Variants in NCAPD3 observed in about 807,000 individuals in gnomAD.
NCAPD3 encodes the protein condensin-2 complex subunit D3.
Under a neutral mutation model 182.9 loss-of-function variants are expected in NCAPD3, and 105 were observed. That is an observed-to-expected ratio of 0.57 (90% CI 0.49 to 0.68). The LOEUF (loss-of-function observed/expected upper bound fraction) is 0.68. NCAPD3 is among the 30% of genes least tolerant of loss of function. The pLI is 0.00. For missense variants in NCAPD3, 1,944 were observed against 1,837.0 expected, an observed-to-expected ratio of 1.06 and a Z score of -1.07; for synonymous variants, 815 against 679.9, an observed-to-expected ratio of 1.20 and a Z score of -3.09.
At chr11:134,185,627 G>T in intron 16 of NCAPD3, 101 bp from the exon 17 acceptor site, 1 of 911,800 alleles carries the variant, frequency 1.1e-6, no homozygotes, top group Admixed American at 2.9e-5. Context: ...TGCTGCTCCA[G>T]GACTCAAGTG....
intron 28 of NCAPD3, among the ~76,000 whole-genome samples, chr11:134,161,396 G>C (rs1186191018): frequency 1.3e-5 from 2 of 152,154 alleles, no homozygotes; most frequent in Non-Finnish European, 2.9e-5. Flanking sequence ...TTGTGAATCT[G>C]AGTCAGTGCA....
intron 8 of NCAPD3, among the ~76,000 whole-genome samples, chr11:134,206,065 G>A (rs1242524575): frequency 6.6e-6 from 1 of 152,158 alleles, no homozygotes; most frequent in African/African-American, 2.4e-5. Flanking sequence ...AGGCATGAGA[G>A]TTTTTAAGTG....
intron 16 of NCAPD3, among the ~76,000 whole-genome samples, chr11:134,189,252 C>A (rs932374960): frequency 1.6e-4 from 24 of 152,048 alleles, no homozygotes; most frequent in Admixed American, 1.4e-3. Flanking sequence ...AGAAGTTTAT[C>A]TTTTCCATTA....
chr11:134,181,118 G>A lies in NCAPD3; in HGVS notation c.2518C>T (p.Leu840Phe). The change falls in exon 20 of 35, where the codon CTC becomes TTC. Residue 840 changes from leucine (L) to phenylalanine (F), a missense_variant. By Grantham distance (22) the Leu-to-Phe change is conservative. Around this residue, in one of 3 missense-constraint regions of NCAPD3, gnomAD observed 1,803 missense variants for 1,674.6 expected, o/e 1.08. Transcript: ENST00000534548. ...ATATTCCCTGTTCCATTCTCCTTGA[G>A]AACGATGTTGGAGAGGCGGTGCTCG... is the stretch of plus-strand genomic sequence containing the variant. ...TCEHRLSNIV[L>F]KENGTGNMDE... 1 of 1,614,124 alleles carries A rather than the reference G, an allele frequency of 6.2e-7. No homozygotes were observed. Among genetic ancestry groups the A allele is most frequent in the Non-Finnish European group, 8.5e-7 (1 of 1,180,014 alleles).
rs1227674862 is a variant in NCAPD3 at position 134,152,662 on chromosome 11, C to G, written c.*282G>C. ...CCTTAAAGACCAGATTATAGCTTAT[C>G]TGAATGGGCTTGACACTTTCAAATG... On this transcript the variant is annotated 3_prime_UTR_variant, in exon 35 of 35. Coordinates refer to ENST00000534548, the MANE Select transcript of NCAPD3 (RefSeq NM_015261.3). The G allele has an allele frequency of 6.6e-6, 2 of 304,104 alleles. No individual in the cohort carries two copies. The highest frequency in any genetic ancestry group is 4.7e-5 in the Admixed American group (1 of 21,350). 18.8% of individuals were successfully genotyped at this position (304,104 alleles called of 1,614,324 possible).
intron 13 of NCAPD3, among the ~76,000 whole-genome samples, chr11:134,198,477 A>G (rs1449057715): frequency 6.6e-6 from 1 of 152,188 alleles, no homozygotes; most frequent in Non-Finnish European, 1.5e-5. Flanking sequence ...TATAAAACCA[A>G]GCTGCACCCA....
chr11:134,190,410 T>G (rs769373059), intron 16 of NCAPD3, among the ~76,000 whole-genome samples: 7 of 152,240 alleles, frequency 4.6e-5, no homozygotes, highest in African/African-American at 7.2e-5. Context: ...TAGATTTATC[T>G]ATGTGTTTAT....
At chr11:134,197,273 CTT>C (rs35691982) in intron 13 of NCAPD3, among the ~76,000 whole-genome samples, 8 of 111,956 alleles carry the variant, frequency 7.1e-5, no homozygotes, top group Admixed American at 1.9e-4. Flanking sequence ...AGTCTCACAT[CTT>C]TTTTTTTTTT....
chr11:134,169,153 T>C, intron 24 of NCAPD3, 99 bp from the exon 25 acceptor site: 3 of 1,216,142 alleles, frequency 2.5e-6, no homozygotes, highest in Non-Finnish European at 3.4e-6. Context: ...GAGCTGTACA[T>C]AAGCGTAGGG....
At chr11:134,173,476 T>A (rs919676544) in intron 24 of NCAPD3, 1 of 153,668 alleles carries the variant, frequency 6.5e-6, no homozygotes, top group Non-Finnish European at 1.5e-5. Flanking sequence ...CTCCTCATCA[T>A]CCGCAGCACC....
chr11:134,220,512 AT>A, intron 2 of NCAPD3, 59 bp downstream of exon 2: 2 of 1,502,982 alleles, frequency 1.3e-6, no homozygotes, highest in African/African-American at 2.8e-5. Flanking sequence ...GATTATAATA[AT>A]GACTTTCATC....
In NCAPD3 at chr11:134,150,603, G is replaced by A. The variant is rs570563185; in HGVS notation, c.*2341C>T. 2 of 152,046 alleles carry A rather than the reference G, an allele frequency of 1.3e-5. No individual in the cohort carries two copies. Among genetic ancestry groups the A allele is most frequent in the South Asian group, 4.2e-4 (2 of 4,814 alleles). The allele number at this position is 152,046 out of a possible 1,614,324, so 9.4% of individuals were successfully genotyped here. ...GGGCTCCTGTAACAGACCTCTTTTTGGTTATGGATGGCTCACAAAATAGGG... is the reference window on the plus strand; with the variant it reads ...GGGCTCCTGTAACAGACCTCTTTTTAGTTATGGATGGCTCACAAAATAGGG... On this transcript the variant is annotated 3_prime_UTR_variant, in exon 35 of 35. Coordinates refer to ENST00000534548, the MANE Select transcript of NCAPD3 (RefSeq NM_015261.3).
chr11:134,223,396 TG>T (rs2136038725), intron 1 of NCAPD3: 1 of 702,326 alleles, frequency 1.4e-6, no homozygotes, highest in Non-Finnish European at 2.6e-6. Context: ...GTTGGTGGCT[TG>T]GATGGTGCCA....
At chr11:134,178,564 G>T in intron 22 of NCAPD3, 70 bp downstream of exon 22, 1 of 1,223,022 alleles carries the variant, frequency 8.2e-7, no homozygotes, top group Non-Finnish European at 1.1e-6. Context: ...CAGTCCCATG[G>T]CTGGGCTTAC....
In NCAPD3 at chr11:134,185,340, G is replaced by C; in HGVS notation, c.2232C>G (p.Ile744Met). 1 of 1,602,776 alleles carries C rather than the reference G, an allele frequency of 6.2e-7. No individual in the cohort carries two copies. The highest frequency in any genetic ancestry group is 8.5e-7 in the Non-Finnish European group (1 of 1,175,370). ...TTAAATTAGAAGATACAAACCTGCT[G>C]ATTTTCTCCCAAGATTGTATTATTC... ...YSRIIQSWEK[I>M]SSQQNPNSNT... Residue 744 changes from isoleucine (I) to methionine (M), a missense_variant, in exon 17 of 35, where the codon ATC (isoleucine) becomes ATG (methionine). Around this residue, in one of 3 missense-constraint regions of NCAPD3, gnomAD observed 1,803 missense variants for 1,674.6 expected, o/e 1.08. Coordinates refer to ENST00000534548, the MANE Select transcript of NCAPD3 (RefSeq NM_015261.3).
At chr11:134,179,873 T>A (rs544574463) in intron 20 of NCAPD3, among the ~76,000 whole-genome samples, 12 of 152,168 alleles carry the variant, frequency 7.9e-5, no homozygotes, top group Non-Finnish European at 1.3e-4. Context: ...TATATGAGTT[T>A]AAAAGAATCT....
intron 3 of NCAPD3, among the ~76,000 whole-genome samples, chr11:134,213,151 C>T (rs1288159153): frequency 6.6e-6 from 1 of 152,052 alleles, no homozygotes; most frequent in Non-Finnish European, 1.5e-5. Context: ...AACAACATAG[C>T]GAGACCCTGT....
rs1186572390 is a variant in NCAPD3, at chr11:134,150,114, CCT to C, written c.*2828_*2829del. On this transcript the variant is annotated 3_prime_UTR_variant, in exon 35 of 35. Coordinates refer to ENST00000534548, the MANE Select transcript of NCAPD3 (RefSeq NM_015261.3). ...ATTAAGAGTATTTTACCCAAGGAATCCTCTCATGGAAGTTTACTGTGATGTTC... is the reference window on the plus strand; with the variant it reads ...ATTAAGAGTATTTTACCCAAGGAATCCTCATGGAAGTTTACTGTGATGTTC... The C allele has an allele frequency of 6.5e-6, 1 of 154,912 alleles. No homozygotes were observed. Among genetic ancestry groups the C allele is most frequent in the Non-Finnish European group, 1.4e-5 (1 of 70,030 alleles). 9.6% of individuals were successfully genotyped at this position (154,912 alleles called of 1,614,324 possible). A position where few individuals can be genotyped will look rare whatever the true frequency, so the allele number is the denominator to read the frequency against.
chr11:134,184,683 A>G lies in NCAPD3; in HGVS notation c.2405T>C (p.Leu802Ser), dbSNP rs1944361726. Residue 802 changes from leucine (L) to serine (S), a missense_variant, in exon 19 of 35, where the codon TTG becomes TCG. By Grantham distance (145) the Leu-to-Ser change is moderately radical. Coordinates refer to ENST00000534548, the MANE Select transcript of NCAPD3 (RefSeq NM_015261.3). Reference protein sequence around the residue: ...LEVISSAVDALQRLCRASAET... With the variant: ...LEVISSAVDASQRLCRASAET... ...TGCAGATGCTCTACAAAGCCTCTGC[A>G]AGGCGTCAACAGCTGAACTGATCAC... 6.2e-7 allele frequency: 1 copy of G among 1,613,956 alleles called. No individual in the cohort carries two copies. Among genetic ancestry groups the G allele is most frequent in the Non-Finnish European group, 8.5e-7 (1 of 1,179,976 alleles).
Sources: allele counts gnomAD v4.1 joint callset (sites outside exome capture counted in the v4.1 genomes callset), GRCh38; gene constraint gnomAD v4.1.1; regional missense constraint gnomAD v4.1.1; transcripts MANE v1.5; gene names NCBI Gene and HGNC (gene_info 2026-07-23, HGNC 2026-07-21).